Variants in SLC37A3 observed in about 807,000 individuals in gnomAD.
SLC37A3 encodes the protein sugar phosphate exchanger 3.
Under a neutral mutation model 67.1 loss-of-function variants are expected in SLC37A3, and 51 were observed. The ratio of observed to expected loss-of-function variants is 0.76; its 90% confidence interval spans 0.61 to 0.96. The LOEUF is 0.96. SLC37A3 is among the 40% of genes least tolerant of loss of function. The pLI is 0.00. For synonymous variants in SLC37A3, 214 were observed against 231.4 expected (o/e 0.92, Z 0.68); for missense variants, 508 against 603.0 (o/e 0.84, Z 1.65).
intron 3 of SLC37A3, among the ~76,000 whole-genome samples, chr7:140,372,137 A>G (rs1401470307): frequency 1.3e-5 from 2 of 152,246 alleles, no homozygotes; most frequent in Non-Finnish European, 2.9e-5. Flanking sequence ...GGTGTGAGCC[A>G]CTGCGCCCAG....
chr7:140,363,553 C>T (rs2117164111), intron 5 of SLC37A3, among the ~76,000 whole-genome samples: 1 of 128,430 alleles, frequency 7.8e-6, no homozygotes, highest in East Asian at 2.2e-4. Context: ...GACACAAACA[C>T]TTCGGAAGGC....
intron 1 of SLC37A3, among the ~76,000 whole-genome samples, chr7:140,396,406 C>T (rs1295610017): frequency 1.3e-5 from 2 of 152,144 alleles, no homozygotes; most frequent in East Asian, 3.8e-4. Flanking sequence ...ATTAATTCAT[C>T]CGTCTTCCTG....
intron 5 of SLC37A3, 36 bp downstream of exon 5, chr7:140,364,372 T>C: frequency 6.3e-7 from 1 of 1,580,330 alleles, no homozygotes; most frequent in Non-Finnish European, 8.6e-7. Flanking sequence ...CTAAAATACC[T>C]GACCAAAATA....
intron 9 of SLC37A3, 71 bp from the exon 10 acceptor site, chr7:140,348,838 T>A: frequency 6.4e-7 from 1 of 1,562,228 alleles, no homozygotes. Flanking sequence ...TAATGTCATT[T>A]AAAAGCAAAA....
chr7:140,335,759 A>C (rs2116992163), intron 14 of SLC37A3, among the ~76,000 whole-genome samples: 1 of 152,382 alleles, frequency 6.6e-6, no homozygotes, highest in East Asian at 1.9e-4. Flanking sequence ...CAGAGAACTG[A>C]GACCAGAGGC....
chr7:140,347,678 C>T (rs1796618582), intron 10 of SLC37A3, among the ~76,000 whole-genome samples: 1 of 151,952 alleles, frequency 6.6e-6, no homozygotes, highest in African/African-American at 2.4e-5. Context: ...GTAAGTAATA[C>T]CCACTAAAAT....
chr7:140,360,912 C>T (rs1292540046), intron 5 of SLC37A3, among the ~76,000 whole-genome samples: 1 of 151,940 alleles, frequency 6.6e-6, no homozygotes, highest in African/African-American at 2.4e-5. Flanking sequence ...CAGACAGAAA[C>T]CCAGGCTGTC....
At chr7:140,364,970 C>T (rs1469805077) in intron 4 of SLC37A3, among the ~76,000 whole-genome samples, 1 of 152,150 alleles carries the variant, frequency 6.6e-6, no homozygotes, top group African/African-American at 2.4e-5. Context: ...AACGTGTTAC[C>T]ACACGCCCTG....
intron 7 of SLC37A3, among the ~76,000 whole-genome samples, chr7:140,355,024 C>T (rs1022452086): frequency 1.4e-4 from 21 of 152,206 alleles, no homozygotes; most frequent in South Asian, 1.0e-3. Context: ...GGATTACAGG[C>T]GTGAGCCACC....
intron 13 of SLC37A3, among the ~76,000 whole-genome samples, chr7:140,341,791 G>A (rs931410268): frequency 4.6e-5 from 7 of 152,160 alleles, no homozygotes. Flanking sequence ...AGTTAGTGAA[G>A]AAAACATTCG....
intron 7 of SLC37A3, among the ~76,000 whole-genome samples, chr7:140,354,126 A>G (rs1180231267): frequency 6.6e-6 from 1 of 152,250 alleles, no homozygotes; most frequent in East Asian, 1.9e-4. Context: ...TGGTTGAACT[A>G]TGTCCCTGTT....
chr7:140,356,700 A>G (rs939954634), intron 6 of SLC37A3, among the ~76,000 whole-genome samples: 1 of 152,174 alleles, frequency 6.6e-6, no homozygotes, highest in African/African-American at 2.4e-5. Context: ...AAACAAAGCA[A>G]AAATGTTTTT....
chr7:140,338,176 C>T (rs774312373), intron 13 of SLC37A3, among the ~76,000 whole-genome samples: 3 of 152,270 alleles, frequency 2.0e-5, no homozygotes, highest in Non-Finnish European at 4.4e-5. Flanking sequence ...AGGCGTACTG[C>T]GCCCGGCCCA....
rs1376708355 is a variant in SLC37A3, at chr7:140,345,933, C to T, written c.1062G>A (p.Gln354=). ...TLQGFISDVL[Q]KRAPVLALSL... is the part of the protein sequence containing the mutation. ...TCAGGGCAAGAACCGGCGCTCTCTT[C>T]TGTAGTACATCAGAGATGAAGCCTT... Residue 354 remains glutamine, a synonymous_variant, in exon 11 of 15, where the codon CAG becomes CAA. Coordinates refer to ENST00000326232, the MANE Select transcript of SLC37A3 (RefSeq NM_207113.3). 6.2e-7 allele frequency: 1 copy of T among 1,613,976 alleles called. No individual in the cohort carries two copies. Among genetic ancestry groups the T allele is most frequent in the Admixed American group, 1.7e-5 (1 of 60,012 alleles).
intron 3 of SLC37A3, among the ~76,000 whole-genome samples, chr7:140,376,559 T>C (rs1798038436): frequency 6.6e-6 from 1 of 152,162 alleles, no homozygotes; most frequent in South Asian, 2.1e-4. Context: ...CACACTAAAG[T>C]TCCCTGTGTG....
At chr7:140,377,217 T>TG (rs1312679514) in intron 3 of SLC37A3, among the ~76,000 whole-genome samples, 2 of 151,880 alleles carry the variant, frequency 1.3e-5, no homozygotes, top group African/African-American at 4.8e-5. Flanking sequence ...AGTGTTTTTT[T>TG]TTTTGTTTTG....
intron 1 of SLC37A3, among the ~76,000 whole-genome samples, chr7:140,394,482 T>C (rs1013348033): frequency 5.3e-5 from 8 of 151,654 alleles, no homozygotes; most frequent in Non-Finnish European, 8.8e-5. Context: ...ATCAGCCAGT[T>C]GTGGTGGCGG....
intron 10 of SLC37A3, chr7:140,348,411 G>C (rs1796655225): frequency 2.1e-6 from 1 of 472,746 alleles, no homozygotes; most frequent in Admixed American, 4.3e-5. Context: ...CGCTGCCTTA[G>C]GCTAGGTCTT....
chr7:140,341,658 G>A (rs1305669300), intron 13 of SLC37A3, among the ~76,000 whole-genome samples: 1 of 152,164 alleles, frequency 6.6e-6, no homozygotes, highest in Non-Finnish European at 1.5e-5. Context: ...CTCCAGACGT[G>A]CTTCCCCAAC....
Sources: gnomAD v4.1 joint callset for allele counts (sites outside exome capture counted in the v4.1 genomes callset) on GRCh38, gnomAD v4.1.1 for gene constraint, MANE v1.5 for transcripts, NCBI Gene and HGNC (gene_info 2026-07-23, HGNC 2026-07-21) for gene names.